CAPN1: variants seen among roughly 807,000 people sequenced by gnomAD.
The protein encoded by CAPN1 is calpain-1 catalytic subunit.
A neutral mutation model predicts 105.2 loss-of-function variants in CAPN1; 77 were observed. The observed-to-expected ratio is 0.73, with a 90% confidence interval of 0.61 to 0.88. The LOEUF (loss-of-function observed/expected upper bound fraction) is 0.88, where lower values mean the gene tolerates loss of function less well. Among genes scored for constraint, CAPN1 ranks in the 40% least tolerant of loss-of-function variants. CAPN1 has a pLI of 0.00. For missense variants in CAPN1, 833 were observed against 976.6 expected (o/e 0.85, Z 1.96); for synonymous variants, 355 against 388.8 (o/e 0.91, Z 1.02).
At chr11:65,194,024 C>T (rs1444039751) in intron 10 of CAPN1, among the ~76,000 whole-genome samples, 2 of 127,968 alleles carry the variant, frequency 1.6e-5, no homozygotes, top group Non-Finnish European at 3.1e-5. Flanking sequence ...TGGAGTGGTG[C>T]GATCTTGGCT....
rs1388343694 is a variant in CAPN1, at chr11:65,206,833, C to T, written c.1605+14C>T. On this transcript the variant is annotated intron_variant, in intron 14 of 21. Transcript: ENST00000279247. ...CTCCCCGATGAGGTGCGTGGTCCCA[C>T]CCCACCAGGCCCCGTCCTCCTCTCT... 6.2e-7 allele frequency: 1 copy of T among 1,607,050 alleles called. No homozygotes were observed. Among genetic ancestry groups the T allele is most frequent in the Non-Finnish European group, 8.5e-7 (1 of 1,176,800 alleles).
chr11:65,186,085 A>C (rs1365677954), intron 5 of CAPN1, 35 bp downstream of exon 5: 1 of 1,608,388 alleles, frequency 6.2e-7, no homozygotes, highest in Non-Finnish European at 8.5e-7. Flanking sequence ...TCCAGCTTCC[A>C]GCTCCCCCTA....
chr11:65,194,577 C>T (rs1004149977), intron 10 of CAPN1, among the ~76,000 whole-genome samples: 2 of 151,940 alleles, frequency 1.3e-5, no homozygotes, highest in Non-Finnish European at 2.9e-5. Context: ...TAATTATTGG[C>T]CATCACTTTC....
At position 65,188,462 on chromosome 11, in the gene CAPN1, G is replaced by A. The variant is rs1260761555; in HGVS notation, c.978G>A (p.Arg326=). 2 of 1,613,210 alleles carry A rather than the reference G, an allele frequency of 1.2e-6. No homozygotes were observed. Among genetic ancestry groups the A allele is most frequent in the East Asian group, 4.5e-5 (2 of 44,856 alleles). The change falls in exon 9 of 22, where the codon CGG becomes CGA. Residue 326 remains arginine, a synonymous_variant. Transcript: ENST00000279247. This position sits in a 1 kb window ranked among gnomAD's most constrained non-coding sequence, Gnocchi z 5.5. The part of the protein sequence containing the change: ...NVDPYERDQL[R]VKMEDGEFWM... ...ACCCATATGAACGGGACCAGCTCCGGGTCAAGATGGAGGACGGGGAGTTCT... is the reference window on the plus strand; with the variant it reads ...ACCCATATGAACGGGACCAGCTCCGAGTCAAGATGGAGGACGGGGAGTTCT...
At chr11:65,183,732 G>C (rs542557085) in intron 4 of CAPN1, 140 bp downstream of exon 4, 10 of 633,366 alleles carry the variant, frequency 1.6e-5, no homozygotes, top group Middle Eastern at 3.0e-4. Flanking sequence ...GTGCCATCTC[G>C]GGTCTGTCAT....
At chr11:65,203,993 G>T (rs1948911598) in intron 10 of CAPN1, among the ~76,000 whole-genome samples, 1 of 152,042 alleles carries the variant, frequency 6.6e-6, no homozygotes, top group Non-Finnish European at 1.5e-5. Context: ...AGTCAAGAAG[G>T]TTCTTTAGGC....
At chr11:65,186,396 C>G (rs1948634565) in intron 6 of CAPN1, 58 bp downstream of exon 6, 37 of 1,487,202 alleles carry the variant, frequency 2.5e-5, no homozygotes, top group Non-Finnish European at 3.3e-5. Flanking sequence ...CCTGACCTGT[C>G]ACATTTTCTA....
rs1488380739 is a variant in CAPN1, at chr11:65,188,569, T to C, written c.1005-17T>C. 6.2e-7 allele frequency: 1 copy of C among 1,613,930 alleles called. No homozygotes were observed. Among genetic ancestry groups the C allele is most frequent in the Non-Finnish European group, 8.5e-7 (1 of 1,179,834 alleles). On this transcript the variant is annotated splice_polypyrimidine_tract_variant and intron_variant, in intron 9 of 21. Transcript: ENST00000279247. This position sits in a 1 kb window ranked among gnomAD's most constrained non-coding sequence, Gnocchi z 5.5. ...GCCCTGACGGGCTGTGCCTCACCTG[T>C]GTACCTCCCACCTCAGGATGTCATT...
chr11:65,210,389 C>G lies in CAPN1; in HGVS notation c.1996C>G (p.Pro666Ala). 1 of 1,613,426 alleles carries G rather than the reference C, an allele frequency of 6.2e-7. No homozygotes were observed. Among genetic ancestry groups the G allele is most frequent in the Non-Finnish European group, 8.5e-7 (1 of 1,179,734 alleles). ...GCTCATCATCACCCGCTACTCGGAGCCCGACCTGGCGGTCGACTTTGACAA... is the reference window on the plus strand; with the variant it reads ...GCTCATCATCACCCGCTACTCGGAGGCCGACCTGGCGGTCGACTTTGACAA... ...YELIITRYSE[P>A]DLAVDFDNFV... is the part of the protein sequence containing the mutation. Residue 666 changes from proline (P) to alanine (A), a missense_variant, in exon 20 of 22, where the codon CCC (proline) becomes GCC (alanine). Coordinates refer to ENST00000279247, the MANE Select transcript of CAPN1 (RefSeq NM_005186.4). The surrounding 1 kb of genome is among the most constrained non-coding windows in gnomAD (Gnocchi z 4.3).
intron 1 of CAPN1, 30 bp from the exon 2 acceptor site, chr11:65,182,671 G>A: frequency 6.7e-7 from 1 of 1,491,782 alleles, no homozygotes; most frequent in South Asian, 1.4e-5. Context: ...GGGAAGGCCT[G>A]GGTTCTGAGC....
chr11:65,188,586 G>C lies in CAPN1; in HGVS notation c.1005G>C (p.Trp335Cys), dbSNP rs1428333006. 1.2e-6 allele frequency: 2 copies of C among 1,613,854 alleles called. No homozygotes were observed. The highest frequency in any genetic ancestry group is 3.3e-5 in the Admixed American group (2 of 60,004). Residue 335 changes from tryptophan to cysteine, a missense_variant and splice_region_variant, in exon 10 of 22, where the codon TGG (tryptophan) becomes TGC (cysteine). Transcript: ENST00000279247. This position sits in a 1 kb window ranked among gnomAD's most constrained non-coding sequence, Gnocchi z 5.5. ...CTCACCTGTGTACCTCCCACCTCAG[G>C]ATGTCATTCCGAGACTTCATGCGGG... The part of the protein sequence containing the change: ...LRVKMEDGEF[W>C]MSFRDFMREF...
intron 4 of CAPN1, among the ~76,000 whole-genome samples, chr11:65,184,387 C>T (rs1948601024): frequency 6.6e-6 from 1 of 152,146 alleles, no homozygotes; most frequent in African/African-American, 2.4e-5. Context: ...CTCGCTCCTC[C>T]AATCCGCTCC....
Position 65,209,499 on chromosome 11 carries a change from G to T in CAPN1, c.1794+112G>T. 1 of 918,036 alleles carries T rather than the reference G, an allele frequency of 1.1e-6. No homozygotes were observed. Among genetic ancestry groups the T allele is most frequent in the Non-Finnish European group, 1.7e-6 (1 of 572,126 alleles). The allele number at this position is 918,036 out of a possible 1,614,324, so 56.9% of individuals were successfully genotyped here. A position where few individuals can be genotyped will look rare whatever the true frequency, so the allele number is the denominator to read the frequency against. On this transcript the variant is annotated intron_variant, in intron 17 of 21. Coordinates refer to ENST00000279247, the MANE Select transcript of CAPN1 (RefSeq NM_005186.4). The surrounding 1 kb of genome is among the most constrained non-coding windows in gnomAD (Gnocchi z 4.1). The stretch of plus-strand genomic sequence containing the variant: ...AACAGGACAGAGCCATGCGGAGTGT[G>T]GACACACAGTGCCCCATGCTCAGAT...
chr11:65,182,469 G>C (rs1337008440), intron 1 of CAPN1: 2 of 522,788 alleles, frequency 3.8e-6, no homozygotes, highest in South Asian at 3.0e-5. Flanking sequence ...AATGGGATCC[G>C]GGAAAGGAGA....
intron 10 of CAPN1, among the ~76,000 whole-genome samples, chr11:65,199,290 A>G (rs560398042): frequency 1.4e-4 from 22 of 152,284 alleles, no homozygotes; most frequent in African/African-American, 5.3e-4. Context: ...CAAAGACACT[A>G]TTAGTCCTGT....
intron 10 of CAPN1, among the ~76,000 whole-genome samples, chr11:65,195,110 T>TGG (rs1439767021): frequency 7.7e-6 from 1 of 129,502 alleles, no homozygotes; most frequent in Admixed American, 8.2e-5. Context: ...GTTTTTTTTT[T>TGG]TTTTTTTTTT....
chr11:65,184,082 AT>A (rs1322811064), intron 4 of CAPN1, among the ~76,000 whole-genome samples: 1 of 151,980 alleles, frequency 6.6e-6, no homozygotes, highest in Non-Finnish European at 1.5e-5. Context: ...CCCAGGGCCC[AT>A]TTTTCAAGTC....
chr11:65,197,466 A>AG (rs140296418), intron 10 of CAPN1, among the ~76,000 whole-genome samples: 12,296 of 152,102 alleles, frequency 0.081, 550 homozygotes, highest in East Asian at 0.21. Context: ...TAGCTAATTC[A>AG]GGGTTTTTTT....
intron 10 of CAPN1, among the ~76,000 whole-genome samples, chr11:65,194,987 C>T (rs1948770862): frequency 6.6e-6 from 1 of 152,056 alleles, no homozygotes; most frequent in Admixed American, 6.6e-5. Context: ...TCCCCACCAA[C>T]AACATGTGAG....
Sources: gnomAD v4.1 joint callset for allele counts (sites outside exome capture counted in the v4.1 genomes callset) on GRCh38, gnomAD v4.1.1 for gene constraint, Gnocchi (gnomAD v3.1) non-coding constraint, MANE v1.5 for transcripts, NCBI Gene and HGNC (gene_info 2026-07-23, HGNC 2026-07-21) for gene names.